PCDH15: variants seen among roughly 807,000 people sequenced by gnomAD.
PCDH15 encodes the protein protocadherin-15.
PCDH15 carries 129 observed loss-of-function variants against 178.5 expected under a neutral mutation model. The observed-to-expected ratio is 0.72, with a 90% CI of 0.63 to 0.84. The LOEUF (loss-of-function observed/expected upper bound fraction) is 0.84. PCDH15 is among the 40% of genes least tolerant of loss of function. The pLI, the probability that PCDH15 is intolerant of heterozygous loss-of-function variation, is 0.00. For missense variants in PCDH15, 2,230 were observed against 2,099.9 expected (o/e 1.06, Z -1.21); for synonymous variants, 800 against 732.0 (o/e 1.09, Z -1.50).
intron 2 of PCDH15, among the ~76,000 whole-genome samples, chr10:55,011,673 C>T (rs1168548373): frequency 6.6e-6 from 1 of 151,870 alleles, no homozygotes; most frequent in Non-Finnish European, 1.5e-5. Flanking sequence ...AGACACAATA[C>T]TTAGGAAATA....
intron 28 of PCDH15, among the ~76,000 whole-genome samples, chr10:53,855,899 G>GATGTGTATATATATATAT (rs1554832729): frequency 1.4e-3 from 106 of 77,806 alleles, no homozygotes; most frequent in Middle Eastern, 5.0e-3. Context: ...AAAAAAAGGT[G>GATGTGTATATATATATAT]ATATGTATAT....
intron 2 of PCDH15, among the ~76,000 whole-genome samples, chr10:55,341,761 GCA>G (rs1844564266): frequency 6.1e-5 from 3 of 49,278 alleles, no homozygotes; most frequent in Non-Finnish European, 1.1e-4. Context: ...ACATACATAT[GCA>G]TATATATATA....
intron 2 of PCDH15, among the ~76,000 whole-genome samples, chr10:54,555,212 GCATT>G (rs988265571): frequency 6.6e-6 from 1 of 152,074 alleles, no homozygotes; most frequent in African/African-American, 2.4e-5. Context: ...TGCCACACAT[GCATT>G]CAGTCACTCC....
At chr10:53,944,494 C>T (rs2086359200) in intron 23 of PCDH15, among the ~76,000 whole-genome samples, 1 of 152,118 alleles carries the variant, frequency 6.6e-6, no homozygotes, top group Admixed American at 6.5e-5. Context: ...CTATTAAATT[C>T]ATAAATCTTC....
intron 2 of PCDH15, among the ~76,000 whole-genome samples, chr10:54,920,193 G>A (rs1454490947): frequency 5.3e-5 from 8 of 151,994 alleles, no homozygotes; most frequent in Non-Finnish European, 1.2e-4. Flanking sequence ...TTTCTCGGCC[G>A]GGAGCGGTGG....
At chr10:54,965,608 CATATAT>C (rs71461263) in intron 2 of PCDH15, among the ~76,000 whole-genome samples, 45,828 of 141,166 alleles carry the variant, frequency 0.32, 7,442 homozygotes, top group Non-Finnish European at 0.35. Context: ...AACTTTGCTT[CATATAT>C]ATATATATAT....
At chr10:54,157,632 C>T (rs1330018966) in intron 13 of PCDH15, among the ~76,000 whole-genome samples, 1 of 152,210 alleles carries the variant, frequency 6.6e-6, no homozygotes, top group African/African-American at 2.4e-5. Flanking sequence ...TAACATTCAG[C>T]TTCTTGTTAC....
At chr10:54,288,773 T>C (rs1020720477) in intron 8 of PCDH15, among the ~76,000 whole-genome samples, 18 of 152,218 alleles carry the variant, frequency 1.2e-4, no homozygotes, top group Admixed American at 1.2e-3. Context: ...AGTGCAGCAG[T>C]CTGAGATTGA....
At chr10:54,665,412 A>G (rs1045287816) in intron 1 of PCDH15, among the ~76,000 whole-genome samples, 2 of 152,006 alleles carry the variant, frequency 1.3e-5, no homozygotes, top group Non-Finnish European at 2.9e-5. Context: ...TTGATGTCTC[A>G]AGTTCTCCAG....
intron 2 of PCDH15, among the ~76,000 whole-genome samples, chr10:55,016,588 T>G (rs1327951130): frequency 6.6e-6 from 1 of 152,204 alleles, no homozygotes; most frequent in Non-Finnish European, 1.5e-5. Context: ...GATCTCGTTC[T>G]TTCTTGTGGT....
chr10:54,687,681 C>T (rs1026138921), intron 1 of PCDH15, among the ~76,000 whole-genome samples: 72 of 152,042 alleles, frequency 4.7e-4, no homozygotes, highest in Non-Finnish European at 5.0e-4. Context: ...CTAGAAACCT[C>T]GTTTTTCTGT....
At chr10:54,335,237 T>C (rs1396024087) in intron 6 of PCDH15, among the ~76,000 whole-genome samples, 1 of 152,226 alleles carries the variant, frequency 6.6e-6, no homozygotes, top group East Asian at 1.9e-4. Flanking sequence ...TAATCATTTT[T>C]TCTGTTTCAT....
intron 3 of PCDH15, among the ~76,000 whole-genome samples, chr10:54,813,996 A>G (rs1008613430): frequency 6.6e-6 from 1 of 152,168 alleles, no homozygotes; most frequent in African/African-American, 2.4e-5. Context: ...TGTCCTGTTC[A>G]TATGCTAATA....
At chr10:54,147,016 T>TAATATATATATATAGTGTATATATAAC (rs1491305720) in intron 14 of PCDH15, among the ~76,000 whole-genome samples, 1 of 79,236 alleles carries the variant, frequency 1.3e-5, no homozygotes, top group Non-Finnish European at 2.4e-5. Flanking sequence ...GTATATATAA[T>TAATATATATATATAGTGTATATATAAC]GTGTATATAT....
At chr10:55,392,520 T>C (rs1006917215) in intron 2 of PCDH15, among the ~76,000 whole-genome samples, 2 of 152,186 alleles carry the variant, frequency 1.3e-5, no homozygotes, top group South Asian at 2.1e-4. Context: ...TTGGTCCTCA[T>C]GTCTCCTTAG....
intron 25 of PCDH15, among the ~76,000 whole-genome samples, chr10:53,934,949 C>T (rs2085438197): frequency 6.7e-6 from 1 of 149,108 alleles, no homozygotes; most frequent in East Asian, 2.0e-4. Flanking sequence ...AAAAAAAAGT[C>T]TAGAATTAAA....
intron 2 of PCDH15, chr10:54,599,896 A>G (rs1299217798): frequency 2.8e-6 from 2 of 715,374 alleles, no homozygotes; most frequent in East Asian, 3.0e-5. Context: ...AGAGGAAAAG[A>G]AAGTTGAGGA....
At chr10:54,829,069 A>T (rs552292283) in intron 3 of PCDH15, among the ~76,000 whole-genome samples, 21 of 152,106 alleles carry the variant, frequency 1.4e-4, no homozygotes, top group South Asian at 4.1e-4. Flanking sequence ...AGGGAGAGGA[A>T]ATTAGGTTTC....
At chr10:55,381,547 TATA>T (rs1407897953) in intron 2 of PCDH15, among the ~76,000 whole-genome samples, 2 of 152,090 alleles carry the variant, frequency 1.3e-5, no homozygotes, top group African/African-American at 4.8e-5. Flanking sequence ...TTTAAGTCTT[TATA>T]ATTCTACAGG....
Sources: allele counts gnomAD v4.1 joint callset (sites outside exome capture counted in the v4.1 genomes callset), GRCh38; gene constraint gnomAD v4.1.1; transcripts MANE v1.5; gene names NCBI Gene and HGNC (gene_info 2026-07-23, HGNC 2026-07-21).